Variants in TNPO3 observed in about 807,000 individuals in gnomAD.
TNPO3 encodes the protein transportin-3.
A neutral mutation model predicts 122.8 loss-of-function variants in TNPO3; 65 were observed. The ratio of observed to expected loss-of-function variants is 0.53; its 90% confidence interval spans 0.43 to 0.65. The LOEUF is 0.65. Among genes scored for constraint, TNPO3 ranks in the 30% least tolerant of loss-of-function variants. TNPO3 has a pLI of 0.00. For missense variants in TNPO3, 850 were observed against 1,136.7 expected (o/e 0.75, Z 3.63); for synonymous variants, 372 against 411.2 (o/e 0.90, Z 1.15).
intron 1 of TNPO3, among the ~76,000 whole-genome samples, chr7:129,027,318 T>C (rs1805308569): frequency 6.6e-6 from 1 of 151,898 alleles, no homozygotes; most frequent in South Asian, 2.1e-4. Flanking sequence ...CCCAGCACTT[T>C]GGGAGGCCGA....
chr7:129,025,350 CAAAAAAAAAAAAAAAAAAAAAAAAAAAA>C (rs71162548), intron 1 of TNPO3, among the ~76,000 whole-genome samples: 44 of 20,720 alleles, frequency 2.1e-3, no homozygotes, highest in South Asian at 9.1e-3. Flanking sequence ...AACTCTGTCA[CAAAAAAAAAAAAAAAAAAAAAAAAAAAA>C]AAAAAAAAAA....
intron 7 of TNPO3, among the ~76,000 whole-genome samples, chr7:128,999,498 C>T (rs1289530188): frequency 6.6e-6 from 1 of 152,156 alleles, no homozygotes; most frequent in Admixed American, 6.5e-5. Flanking sequence ...GGCCGAGAGT[C>T]ACAGGACCAC....
intron 4 of TNPO3, among the ~76,000 whole-genome samples, chr7:129,006,310 G>T (rs2150396731): frequency 6.6e-6 from 1 of 152,186 alleles, no homozygotes; most frequent in Admixed American, 6.5e-5. Context: ...TATATACCTG[G>T]TTGATACAGA....
At chr7:128,997,607 C>A in intron 7 of TNPO3, 72 bp from the exon 8 acceptor site, 8 of 1,281,210 alleles carry the variant, frequency 6.2e-6, no homozygotes, top group Admixed American at 2.0e-5. Flanking sequence ...ATTATCACCA[C>A]GACCATATAG....
At chr7:128,967,006 G>C (rs922434610) in intron 21 of TNPO3, among the ~76,000 whole-genome samples, 1 of 152,276 alleles carries the variant, frequency 6.6e-6, no homozygotes, top group South Asian at 2.1e-4. Flanking sequence ...ATCTCCTGAC[G>C]GGGAGTGAGC....
intron 12 of TNPO3, among the ~76,000 whole-genome samples, chr7:128,985,501 C>G (rs1800048754): frequency 6.6e-6 from 1 of 152,174 alleles, no homozygotes; most frequent in Non-Finnish European, 1.5e-5. Context: ...GAAGCTGAGA[C>G]ACGAGGGTCA....
chr7:129,044,121 AT>A (rs1360087980), intron 1 of TNPO3, among the ~76,000 whole-genome samples: 3 of 152,244 alleles, frequency 2.0e-5, no homozygotes, highest in Admixed American at 6.5e-5. Context: ...CTGAATGCTT[AT>A]TTATATAAAA....
intron 8 of TNPO3, 98 bp from the exon 9 acceptor site, chr7:128,994,012 A>C: frequency 9.1e-7 from 1 of 1,102,942 alleles, no homozygotes; most frequent in Non-Finnish European, 1.3e-6. Flanking sequence ...TAAGCAGTCA[A>C]GTTTCAATGA....
intron 20 of TNPO3, among the ~76,000 whole-genome samples, chr7:128,969,364 T>A (rs186858373): frequency 5.9e-5 from 9 of 152,304 alleles, no homozygotes; most frequent in African/African-American, 1.7e-4. Flanking sequence ...CAGAGAGGAA[T>A]AGGTACTATC....
intron 1 of TNPO3, chr7:129,030,391 C>G (rs1227090587): frequency 1.1e-5 from 2 of 179,632 alleles, no homozygotes; most frequent in Non-Finnish European, 2.3e-5. Context: ...GGACCAGCAT[C>G]GAAACTCATG....
intron 7 of TNPO3, among the ~76,000 whole-genome samples, chr7:128,999,010 C>G (rs1017741816): frequency 1.3e-5 from 2 of 151,976 alleles, no homozygotes; most frequent in South Asian, 2.1e-4. Context: ...CGCACCATCA[C>G]CCCAGCTAAT....
At chr7:129,054,217 G>C (rs1809171325) in intron 1 of TNPO3, among the ~76,000 whole-genome samples, 6 of 152,136 alleles carry the variant, frequency 3.9e-5, no homozygotes, top group African/African-American at 9.7e-5. Flanking sequence ...TGAGGCATAA[G>C]GCTACGACTG....
intron 1 of TNPO3, among the ~76,000 whole-genome samples, chr7:129,021,181 C>T (rs1439753046): frequency 6.6e-6 from 1 of 151,992 alleles, no homozygotes; most frequent in Admixed American, 6.6e-5. Flanking sequence ...TATGGTGAAA[C>T]CCCGTCTCTA....
intron 19 of TNPO3, among the ~76,000 whole-genome samples, chr7:128,971,329 A>G (rs1351267871): frequency 6.6e-6 from 1 of 152,072 alleles, no homozygotes; most frequent in Non-Finnish European, 1.5e-5. Flanking sequence ...TATTTTTAGT[A>G]GAGACAGGGT....
chr7:129,019,488 G>A (rs928724227), intron 1 of TNPO3, among the ~76,000 whole-genome samples: 4 of 152,166 alleles, frequency 2.6e-5, no homozygotes, highest in African/African-American at 9.7e-5. Context: ...TAAATGGCTT[G>A]TACAAGTTCC....
intron 1 of TNPO3, among the ~76,000 whole-genome samples, chr7:129,035,175 G>C (rs1014215855): frequency 6.6e-6 from 1 of 152,138 alleles, no homozygotes; most frequent in Non-Finnish European, 1.5e-5. Context: ...TCGGGAGGCT[G>C]AGGCAGGAGA....
rs377073271 is a variant in TNPO3, at chr7:129,006,483, A to G, written c.553-1324T>C. On this transcript the variant is annotated intron_variant, in intron 4 of 22. Transcript: ENST00000265388. The stretch of plus-strand genomic sequence containing the variant: ...TAAAACAGAATTAGACTAAAACTCA[A>G]TGTTTCTCCTTGTAGTCTGTTTTTG... Among the ~76,000 whole-genome samples, 47 of 152,294 alleles carry G rather than the reference A, an allele frequency of 3.1e-4. No homozygotes were observed. In the East Asian group the frequency reaches 4.0e-3, roughly 13 times the overall value.
intron 4 of TNPO3, among the ~76,000 whole-genome samples, chr7:129,014,611 T>C (rs1803621549): frequency 1.3e-5 from 2 of 152,170 alleles, no homozygotes; most frequent in Admixed American, 6.5e-5. Context: ...CTTAGTAAAG[T>C]AGATTTATAC....
At chr7:128,998,004 A>ATTTT (rs71162546) in intron 7 of TNPO3, among the ~76,000 whole-genome samples, 1 of 129,422 alleles carries the variant, frequency 7.7e-6, no homozygotes. Flanking sequence ...AGCTCAGCTA[A>ATTTT]TTTTTTTTTT....
Sources: gnomAD v4.1 joint callset for allele counts (sites outside exome capture counted in the v4.1 genomes callset) on GRCh38, gnomAD v4.1.1 for gene constraint, MANE v1.5 for transcripts, NCBI Gene and HGNC (gene_info 2026-07-23, HGNC 2026-07-21) for gene names.